OSMR: variants seen among roughly 807,000 people sequenced by gnomAD.
OSMR encodes oncostatin-M-specific receptor subunit beta.
In OSMR, 81 loss-of-function variants were observed where a neutral mutation model predicts 99.9. That is an observed-to-expected ratio of 0.81 (90% CI 0.68 to 0.97). The LOEUF (loss-of-function observed/expected upper bound fraction) is 0.97. Ranked by LOEUF, OSMR falls within the 50% of genes least tolerant of loss-of-function variation. The probability of loss-of-function intolerance (pLI) is 0.00; values close to 1 mark genes in which losing one functional copy is unlikely to be tolerated. For synonymous variants in OSMR, 406 were observed against 410.4 expected (o/e 0.99, Z 0.13); for missense variants, 1,099 against 1,153.4 (o/e 0.95, Z 0.68).
chr5:38,864,561 T>TTTC (rs1741783846), intron 1 of OSMR, among the ~76,000 whole-genome samples: 1 of 149,854 alleles, frequency 6.7e-6, no homozygotes, highest in African/African-American at 2.4e-5. Flanking sequence ...TTTCTTTTAG[T>TTTC]ACTTAGAATA....
At chr5:38,857,412 C>G (rs1740936242) in intron 1 of OSMR, among the ~76,000 whole-genome samples, 1 of 152,014 alleles carries the variant, frequency 6.6e-6, no homozygotes, top group Admixed American at 6.5e-5. Flanking sequence ...TTTGACTTCC[C>G]CTTGCTTATG....
intron 1 of OSMR, among the ~76,000 whole-genome samples, chr5:38,864,207 C>T (rs1741747123): frequency 6.6e-6 from 1 of 152,090 alleles, no homozygotes; most frequent in African/African-American, 2.4e-5. Context: ...AACATTTTGT[C>T]ATCCTGTTTT....
At chr5:38,860,805 C>T (rs1741228452) in intron 1 of OSMR, among the ~76,000 whole-genome samples, 1 of 152,052 alleles carries the variant, frequency 6.6e-6, no homozygotes, top group Non-Finnish European at 1.5e-5. Flanking sequence ...CCTGAGTAGC[C>T]TCCTGAGTAG....
intron 6 of OSMR, 61 bp downstream of exon 6, chr5:38,885,545 C>T (rs113727379): frequency 0.03 from 47,672 of 1,597,070 alleles, 946 homozygotes; most frequent in South Asian, 0.07. Flanking sequence ...CTTGTGACAA[C>T]ATGGCAAAAA....
chr5:38,880,293 C>T (rs1743177310), intron 3 of OSMR, among the ~76,000 whole-genome samples: 1 of 152,156 alleles, frequency 6.6e-6, no homozygotes, highest in Non-Finnish European at 1.5e-5. Flanking sequence ...ATTATTCGCC[C>T]TTAGAAACAT....
intron 1 of OSMR, among the ~76,000 whole-genome samples, chr5:38,857,584 C>G (rs1740953263): frequency 6.6e-6 from 1 of 152,094 alleles, no homozygotes; most frequent in Non-Finnish European, 1.5e-5. Context: ...GTATACTGAT[C>G]AAAGTAATTA....
rs549098288 is a variant in OSMR, at chr5:38,923,395, A to G, written c.1870+141A>G. On this transcript the variant is annotated intron_variant, in intron 13 of 17. Coordinates refer to ENST00000274276, the MANE Select transcript of OSMR (RefSeq NM_003999.3). ...TTATTCTAGCAATTGGGTTTTTAAAATTATTTTTTAATCATACAAACAAAA... is the reference window on the plus strand; with the variant it reads ...TTATTCTAGCAATTGGGTTTTTAAAGTTATTTTTTAATCATACAAACAAAA... 56 of 652,878 alleles carry G rather than the reference A, an allele frequency of 8.6e-5. No homozygotes were observed. In the African/African-American group the frequency reaches 9.7e-4, roughly 11 times the overall value. The allele number at this position is 652,878 out of a possible 1,614,324, so 40.4% of individuals were successfully genotyped here.
chr5:38,944,579 T>A, intron 2 of OSMR: 1 of 1,576,706 alleles, frequency 6.3e-7, no homozygotes, highest in Non-Finnish European at 8.6e-7. Flanking sequence ...CCTGAAAAGA[T>A]TTCAGGGAGA....
intron 9 of OSMR, among the ~76,000 whole-genome samples, chr5:38,906,091 G>A (rs1363602380): frequency 6.6e-6 from 1 of 151,804 alleles, no homozygotes; most frequent in East Asian, 1.9e-4. Flanking sequence ...GTTCTGGAAG[G>A]CCCTGTTCCT....
chr5:38,888,359 G>C (rs942420311), intron 7 of OSMR, among the ~76,000 whole-genome samples: 2 of 128,174 alleles, frequency 1.6e-5, no homozygotes, highest in African/African-American at 5.8e-5. Context: ...GAATTGCCAT[G>C]TTTGGGTGGA....
At chr5:38,925,036 G>C (rs898522600) in intron 14 of OSMR, 168 bp from the exon 15 acceptor site, 3 of 978,366 alleles carry the variant, frequency 3.1e-6, no homozygotes, top group East Asian at 1.1e-4. Context: ...CATTTTACCT[G>C]GTGTGCCCAT....
intron 1 of OSMR, among the ~76,000 whole-genome samples, chr5:38,851,898 C>T (rs1357811971): frequency 6.6e-6 from 1 of 152,172 alleles, no homozygotes; most frequent in Non-Finnish European, 1.5e-5. Context: ...GGGGAAACCA[C>T]TTTCACTTGG....
intron 2 of OSMR, among the ~76,000 whole-genome samples, chr5:38,869,744 A>T (rs1468531846): frequency 1.3e-5 from 2 of 152,210 alleles, no homozygotes; most frequent in Non-Finnish European, 2.9e-5. Flanking sequence ...AATACCTCTA[A>T]AATATTTATT....
chr5:38,859,473 C>T (rs992934178), intron 1 of OSMR, among the ~76,000 whole-genome samples: 3 of 152,092 alleles, frequency 2.0e-5, no homozygotes, highest in Admixed American at 1.3e-4. Flanking sequence ...TGTTTTTATA[C>T]CAATATCATG....
chr5:38,879,886 T>TC (rs1491504901), intron 3 of OSMR, among the ~76,000 whole-genome samples: 222 of 152,282 alleles, frequency 1.5e-3, no homozygotes, highest in African/African-American at 5.0e-3. Flanking sequence ...CCTCCCAAAG[T>TC]CCTGGGATAT....
intron 9 of OSMR, among the ~76,000 whole-genome samples, chr5:38,915,454 C>T (rs1253669606): frequency 6.6e-6 from 1 of 152,130 alleles, no homozygotes; most frequent in African/African-American, 2.4e-5. Context: ...AAAAATAATT[C>T]ATGTAAAGTT....
chr5:38,888,680 A>G (rs1351273822), intron 7 of OSMR, among the ~76,000 whole-genome samples: 1 of 151,942 alleles, frequency 6.6e-6, no homozygotes, highest in Non-Finnish European at 1.5e-5. Flanking sequence ...CTATATCATC[A>G]TTGTCAGAGC....
intron 15 of OSMR, among the ~76,000 whole-genome samples, chr5:38,926,054 A>G (rs987815964): frequency 3.3e-5 from 5 of 152,218 alleles, no homozygotes; most frequent in African/African-American, 9.6e-5. Flanking sequence ...ATTTATTCTC[A>G]TGGCAAACCC....
Position 38,893,314 on chromosome 5 carries a change from G to A in OSMR, c.991+7124G>A, listed in dbSNP as rs191201857. On this transcript the variant is annotated intron_variant, in intron 7 of 17. Coordinates refer to ENST00000274276, the MANE Select transcript of OSMR (RefSeq NM_003999.3). ...ATCGAAATGTTGTGACAACATCAAAGGATCACTCTAGCTCCTGAACCCAAA... is the reference window on the plus strand; with the variant it reads ...ATCGAAATGTTGTGACAACATCAAAAGATCACTCTAGCTCCTGAACCCAAA... Among the ~76,000 whole-genome samples, 262 of 152,288 alleles carry A rather than the reference G, an allele frequency of 1.7e-3. 1 individual carries two copies. Among genetic ancestry groups the A allele is most frequent in the African/African-American group, 4.5e-3 (186 of 41,562 alleles).
Sources: allele counts gnomAD v4.1 joint callset (sites outside exome capture counted in the v4.1 genomes callset), GRCh38; gene constraint gnomAD v4.1.1; transcripts MANE v1.5; gene names NCBI Gene and HGNC (gene_info 2026-07-23, HGNC 2026-07-21).